The following GLIS3 variants were observed in gnomAD, a reference collection of about 807,000 sequenced individuals.
GLIS3 encodes GLIS family zinc finger 3.
In GLIS3, 53 loss-of-function variants were observed where a neutral mutation model predicts 78.6. The ratio of observed to expected loss-of-function variants is 0.67; its 90% confidence interval spans 0.54 to 0.85. The LOEUF (loss-of-function observed/expected upper bound fraction) is 0.85. Ranked by LOEUF, GLIS3 falls within the 40% of genes least tolerant of loss-of-function variation. GLIS3 has a pLI of 0.00. For missense variants in GLIS3, 1,703 were observed against 1,231.1 expected (o/e 1.38, Z -5.74); for synonymous variants, 684 against 509.9 (o/e 1.34, Z -4.60).
At chr9:4,427,004 C>T in the GLIS3 span, among the ~76,000 whole-genome samples, 1 of 152,282 alleles carries the variant, frequency 6.6e-6, no homozygotes. Flanking sequence ...TCTTAGTCAC[C>T]ATTTTGTATC....
At chr9:4,011,656 A>G (rs1200995298) in intron 4 of GLIS3, among the ~76,000 whole-genome samples, 1 of 152,112 alleles carries the variant, frequency 6.6e-6, no homozygotes, top group African/African-American at 2.4e-5. Flanking sequence ...AGCTAACCTC[A>G]CTGAATAGGA....
At chr9:4,387,295 A>AT in the GLIS3 span, among the ~76,000 whole-genome samples, 1,892 of 150,788 alleles carry the variant, frequency 0.013, 33 homozygotes, top group African/African-American at 0.043. Context: ...GCCTCCCAGA[A>AT]TTTTTTTTTT....
intron 2 of GLIS3, among the ~76,000 whole-genome samples, chr9:4,169,224 T>A (rs1008160062): frequency 1.2e-4 from 19 of 152,320 alleles, no homozygotes; most frequent in African/African-American, 4.6e-4. Context: ...AAGGAAAGCA[T>A]GAGGAAAGTC....
intron 2 of GLIS3, among the ~76,000 whole-genome samples, chr9:4,324,129 A>G (rs1817571654): frequency 6.6e-6 from 1 of 152,192 alleles, no homozygotes; most frequent in African/African-American, 2.4e-5. Flanking sequence ...CATAACTCAT[A>G]TTTAGAAAAG....
intron 2 of GLIS3, among the ~76,000 whole-genome samples, chr9:4,172,855 G>T (rs1310200276): frequency 6.6e-6 from 1 of 152,130 alleles, no homozygotes; most frequent in Non-Finnish European, 1.5e-5. Context: ...GCTCTCCAAG[G>T]CCAGGCAGAT....
At chr9:4,188,479 C>T (rs368476810) in intron 2 of GLIS3, among the ~76,000 whole-genome samples, 1 of 149,656 alleles carries the variant, frequency 6.7e-6, no homozygotes, top group Non-Finnish European at 1.5e-5. Flanking sequence ...TGTCTCTGCC[C>T]GGCTTTGGTA....
intron 4 of GLIS3, among the ~76,000 whole-genome samples, chr9:4,036,687 G>T (rs1358853355): frequency 6.6e-6 from 1 of 152,158 alleles, no homozygotes; most frequent in East Asian, 1.9e-4. Flanking sequence ...CATTACCTGA[G>T]AATTTTTTCC....
At position 4,075,411 on chromosome 9, in the gene GLIS3, C is replaced by CAAAAAA. The variant is rs59194808; in HGVS notation, c.1710+42351_1710+42356dup. On this transcript the variant is annotated intron_variant, in intron 4 of 10. Transcript: ENST00000381971. ...GTGAAACCCGTCTCTACTAAAAATACAAAAAAAAAAAAAAATTAGCTGGGC... is the reference window on the plus strand; with the variant it reads ...GTGAAACCCGTCTCTACTAAAAATACAAAAAAAAAAAAAAAAAAAAATTAGCTGGGC... 8.6e-4 allele frequency among the ~76,000 whole-genome samples: 102 copies of CAAAAAA among 118,158 alleles called. 2 individuals carry two copies. Among genetic ancestry groups the CAAAAAA allele is most frequent in the African/African-American group, 3.2e-3 (99 of 31,390 alleles). 77.5% of individuals were successfully genotyped at this position (118,158 alleles called of 152,430 possible).
intron 2 of GLIS3, among the ~76,000 whole-genome samples, chr9:4,154,628 G>T (rs1390932185): frequency 6.6e-6 from 1 of 150,518 alleles, no homozygotes; most frequent in South Asian, 2.1e-4. Flanking sequence ...TTCATGTAGG[G>T]GGAAAAACAA....
intron 4 of GLIS3, among the ~76,000 whole-genome samples, chr9:4,011,034 C>T (rs1174276494): frequency 2.0e-5 from 3 of 152,090 alleles, no homozygotes; most frequent in South Asian, 2.1e-4. Flanking sequence ...AGGAGCTCAG[C>T]GGGGAGTGGA....
chr9:3,898,220 C>A (rs1187349643), intron 7 of GLIS3: 2 of 226,694 alleles, frequency 8.8e-6, no homozygotes, highest in Non-Finnish European at 1.8e-5. Context: ...ATCTCCTTTC[C>A]CACAATGGTT....
At chr9:3,929,199 C>T (rs1435819329) in intron 6 of GLIS3, among the ~76,000 whole-genome samples, 1 of 152,100 alleles carries the variant, frequency 6.6e-6, no homozygotes, top group Non-Finnish European at 1.5e-5. Flanking sequence ...TTAATGGACT[C>T]GAGATCTGCA....
At chr9:4,306,517 G>T (rs1047367772) in intron 4 of GLIS3, among the ~76,000 whole-genome samples, 4 of 152,182 alleles carry the variant, frequency 2.6e-5, no homozygotes, top group South Asian at 2.1e-4. Context: ...TCAGTTACTG[G>T]TTAACAAATG....
chr9:4,290,340 C>G (rs182888336), intron 1 of GLIS3, among the ~76,000 whole-genome samples: 1 of 152,290 alleles, frequency 6.6e-6, no homozygotes, highest in African/African-American at 2.4e-5. Context: ...GCTTCTGACT[C>G]TACTTCTTAT....
At position 3,844,016 on chromosome 9, in the gene GLIS3, G is replaced by A. The variant is rs113704211; in HGVS notation, c.2473+11993C>T. Among the ~76,000 whole-genome samples the A allele has an allele frequency of 3.7e-4, 56 of 152,330 alleles. 1 individual carries two copies. Among genetic ancestry groups the A allele is most frequent in the African/African-American group, 1.3e-3 (52 of 41,582 alleles). On this transcript the variant is annotated intron_variant, in intron 9 of 10. Coordinates refer to ENST00000381971, the MANE Select transcript of GLIS3 (RefSeq NM_001042413.2). ...GAGTTTAGTCTGAACAATCTGGTTA[G>A]AGAGGGGAAATTCCTGTAATCAGAA...
chr9:4,228,333 G>T (rs1278768668), intron 2 of GLIS3, among the ~76,000 whole-genome samples: 2 of 152,116 alleles, frequency 1.3e-5, no homozygotes, highest in Non-Finnish European at 2.9e-5. Flanking sequence ...GGAGGAGTCG[G>T]GGCTGAGCCG....
intron 1 of GLIS3, among the ~76,000 whole-genome samples, chr9:4,298,742 G>A (rs894473694): frequency 6.6e-6 from 1 of 152,126 alleles, no homozygotes; most frequent in Non-Finnish European, 1.5e-5. Flanking sequence ...CTGTGTCTGC[G>A]TCCTGGCGGC....
At chr9:4,215,204 C>A (rs532415928) in intron 2 of GLIS3, among the ~76,000 whole-genome samples, 1 of 152,304 alleles carries the variant, frequency 6.6e-6, no homozygotes, top group Non-Finnish European at 1.5e-5. Context: ...AATAAATTTA[C>A]ATGAAAGCCT....
chr9:4,345,118 G>A (rs923150825), intron 2 of GLIS3, among the ~76,000 whole-genome samples: 1 of 152,102 alleles, frequency 6.6e-6, no homozygotes, highest in African/African-American at 2.4e-5. Flanking sequence ...TTCCCCCTCA[G>A]AGCAAAAGCC....
Sources: gnomAD v4.1 joint callset for allele counts (sites outside exome capture counted in the v4.1 genomes callset) on GRCh38, gnomAD v4.1.1 for gene constraint, MANE v1.5 for transcripts, NCBI Gene and HGNC (gene_info 2026-07-23, HGNC 2026-07-21) for gene names.